ARID3A: variants seen among roughly 807,000 people sequenced by gnomAD.
The protein encoded by ARID3A is AT-rich interaction domain 3A.
Under a neutral mutation model 52.7 loss-of-function variants are expected in ARID3A, and 11 were observed. That is an observed-to-expected ratio of 0.21 (90% CI 0.13 to 0.35). ARID3A has a LOEUF of 0.35. Ranked by LOEUF, ARID3A falls within the 10% of genes least tolerant of loss-of-function variation. The probability of loss-of-function intolerance (pLI) is 1.00; values close to 1 mark genes in which losing one functional copy is unlikely to be tolerated. For synonymous variants in ARID3A, 404 were observed against 359.4 expected (o/e 1.12, Z -1.40); for missense variants, 721 against 838.5 (o/e 0.86, Z 1.73).
chr19:949,407 G>GC (rs928738876), intron 3 of ARID3A, among the ~76,000 whole-genome samples: 1 of 152,150 alleles, frequency 6.6e-6, no homozygotes, highest in African/African-American at 2.4e-5. Context: ...GGGGTGGGGG[G>GC]CTGGGGGTGC....
At chr19:955,428 G>A (rs934072769) in intron 3 of ARID3A, among the ~76,000 whole-genome samples, 4 of 152,174 alleles carry the variant, frequency 2.6e-5, no homozygotes, top group Admixed American at 1.3e-4. Context: ...TCAGTGCCCC[G>A]GCCCCACAGG....
At chr19:965,122 C>T (rs2038121802) in intron 6 of ARID3A, 42 bp downstream of exon 6, 2 of 1,546,856 alleles carry the variant, frequency 1.3e-6, no homozygotes, top group South Asian at 2.4e-5. Flanking sequence ...CCCAACTGAG[C>T]TTCAGCCTGG....
chr19:958,853 C>A (rs111287086), intron 3 of ARID3A, among the ~76,000 whole-genome samples: 40,842 of 151,734 alleles, frequency 0.27, 5,967 homozygotes, highest in East Asian at 0.49. Context: ...AGATTGCACC[C>A]CTGCACTCCA....
intron 3 of ARID3A, among the ~76,000 whole-genome samples, chr19:936,542 C>G (rs1400861655): frequency 2.6e-5 from 4 of 151,632 alleles, no homozygotes; most frequent in African/African-American, 4.8e-5. Flanking sequence ...GACCCTGTCT[C>G]GAAAAAATAA....
At chr19:956,588 GAAGGGGA>G (rs1460264951) in intron 3 of ARID3A, 2 of 152,344 alleles carry the variant, frequency 1.3e-5, no homozygotes, top group Middle Eastern at 3.1e-3. Flanking sequence ...TCAGGCAGCT[GAAGGGGA>G]AAGGGCCTCC....
chr19:932,739 G>A lies in ARID3A; in HGVS notation c.690G>A (p.Lys230=). Residue 230 remains lysine, a synonymous_variant, in exon 3 of 9, where the codon AAG becomes AAA. Transcript: ENST00000263620. ...HGDWTYEEQF[K]QLYELDGDPK... is the part of the protein sequence containing the mutation. Reference sequence around the variant, plus strand: ...ACTGGACTTACGAGGAGCAGTTTAAGCAGGTGAGTGGGCGCGTCCCGCGTG... The same window carrying A: ...ACTGGACTTACGAGGAGCAGTTTAAACAGGTGAGTGGGCGCGTCCCGCGTG... 2 of 1,547,124 alleles carry A rather than the reference G, an allele frequency of 1.3e-6. No individual in the cohort carries two copies. Among genetic ancestry groups the A allele is most frequent in the Non-Finnish European group, 1.7e-6 (2 of 1,146,394 alleles).
Position 974,899 on chromosome 19 carries a change from C to A in ARID3A, c.*2834C>A. ...GGGGGGTGGGCGCGAGGCTGGGTCC[C>A]GGCCCAGGAGAAGGAAGTCGCTGAA... On this transcript the variant is annotated 3_prime_UTR_variant, in exon 9 of 9. Transcript: ENST00000263620. 4.4e-6 allele frequency: 1 copy of A among 226,300 alleles called. No homozygotes were observed. Among genetic ancestry groups the A allele is most frequent in the Non-Finnish European group, 8.8e-6 (1 of 113,572 alleles). 14.0% of individuals were successfully genotyped at this position (226,300 alleles called of 1,614,324 possible).
intron 2 of ARID3A, among the ~76,000 whole-genome samples, chr19:931,039 A>G (rs2037316379): frequency 6.7e-6 from 1 of 149,692 alleles, no homozygotes; most frequent in South Asian, 2.3e-4. Flanking sequence ...CACGCCTGTA[A>G]TCCCAGCACT....
rs972846169 is a variant in ARID3A, at chr19:960,321, G to C, written c.766+157G>C. 6.6e-6 allele frequency among the ~76,000 whole-genome samples: 1 copy of C among 152,096 alleles called. No individual in the cohort carries two copies. Among genetic ancestry groups the C allele is most frequent in the Non-Finnish European group, 1.5e-5 (1 of 67,998 alleles). Reference sequence around the variant, plus strand: ...CGGGAGGGACTTCAGGGGTGTCTTGGGGGGAAACACATCCTGCCATGGAGG... The same window carrying C: ...CGGGAGGGACTTCAGGGGTGTCTTGCGGGGAAACACATCCTGCCATGGAGG... On this transcript the variant is annotated intron_variant, in intron 4 of 8. Transcript: ENST00000263620. The surrounding 1 kb of genome is among the most constrained non-coding windows in gnomAD (Gnocchi z 4.3).
chr19:940,961 C>T (rs575507964), intron 3 of ARID3A, among the ~76,000 whole-genome samples: 2 of 152,216 alleles, frequency 1.3e-5, no homozygotes, highest in East Asian at 1.9e-4. Flanking sequence ...TGCCCCGGCC[C>T]GTGCCCGTGC....
At position 972,350 on chromosome 19, in the gene ARID3A, A is replaced by C. The variant is rs2038297327; in HGVS notation, c.*285A>C. On this transcript the variant is annotated 3_prime_UTR_variant, in exon 9 of 9. Coordinates refer to ENST00000263620, the MANE Select transcript of ARID3A (RefSeq NM_005224.3). ...CAGAGAGATGAATTGTGAGAACAGC[A>C]AAGAAATCCATCAGAAAAACAGAAA... is the stretch of plus-strand genomic sequence containing the variant. 3 of 215,824 alleles carry C rather than the reference A, an allele frequency of 1.4e-5. No individual in the cohort carries two copies. The highest frequency in any genetic ancestry group is 1.2e-4 in the Admixed American group (2 of 17,154). 13.4% of individuals were successfully genotyped at this position (215,824 alleles called of 1,614,324 possible).
chr19:936,055 G>A (rs1022186309), intron 3 of ARID3A, among the ~76,000 whole-genome samples: 6 of 152,354 alleles, frequency 3.9e-5, no homozygotes, highest in South Asian at 2.1e-4. Flanking sequence ...CTCCCAAAGC[G>A]CTGGGATTAA....
intron 4 of ARID3A, among the ~76,000 whole-genome samples, chr19:961,008 C>T (rs1400155017): frequency 1.3e-5 from 2 of 152,150 alleles, no homozygotes; most frequent in Non-Finnish European, 2.9e-5. Flanking sequence ...GCTTCCGTCT[C>T]GCCTCCAAGT....
chr19:955,604 G>T (rs2037900550), intron 3 of ARID3A, among the ~76,000 whole-genome samples: 1 of 152,212 alleles, frequency 6.6e-6, no homozygotes, highest in Non-Finnish European at 1.5e-5. Context: ...GGGGCGCCAG[G>T]TGCTTGGGGT....
At chr19:968,347 A>T (rs1246156939) in intron 7 of ARID3A, 58 bp from the exon 8 acceptor site, 25 of 1,489,904 alleles carry the variant, frequency 1.7e-5, no homozygotes, top group Non-Finnish European at 2.2e-5. Context: ...CAACAGAGCA[A>T]GACTCTGTCT....
chr19:948,582 G>C (rs1418172143), intron 3 of ARID3A, among the ~76,000 whole-genome samples: 1 of 151,846 alleles, frequency 6.6e-6, no homozygotes, highest in Non-Finnish European at 1.5e-5. Context: ...CCCTCCTCCC[G>C]CCTGCAGCCC....
chr19:967,354 G>A (rs1480313021), intron 7 of ARID3A, among the ~76,000 whole-genome samples: 1 of 152,172 alleles, frequency 6.6e-6, no homozygotes, highest in Non-Finnish European at 1.5e-5. Flanking sequence ...GATTGCTTGA[G>A]CCCAGGAATT....
intron 3 of ARID3A, among the ~76,000 whole-genome samples, chr19:939,732 G>A (rs770414437): frequency 6.6e-6 from 1 of 152,046 alleles, no homozygotes; most frequent in African/African-American, 2.4e-5. Flanking sequence ...CGTTCCCCTC[G>A]TGGCGCTGGA....
At position 932,469 on chromosome 19, in the gene ARID3A, G is replaced by A. The variant is rs753395743; in HGVS notation, c.420G>A (p.Glu140=). ...EEMEEDLGED[E]EEEEEDYEDE... The stretch of plus-strand genomic sequence containing the variant: ...TGGAGGAAGACCTCGGGGAGGATGA[G>A]GAGGAGGAGGAGGAGGATTACGAGG... Residue 140 remains glutamate, a synonymous_variant, in exon 3 of 9, where the codon GAG becomes GAA. Coordinates refer to ENST00000263620, the MANE Select transcript of ARID3A (RefSeq NM_005224.3). 52 of 1,178,020 alleles carry A rather than the reference G, an allele frequency of 4.4e-5. No homozygotes were observed. Among genetic ancestry groups the A allele is most frequent in the Non-Finnish European group, 5.7e-5 (50 of 884,760 alleles). 73.0% of individuals were successfully genotyped at this position (1,178,020 alleles called of 1,614,324 possible). A position where few individuals can be genotyped will look rare whatever the true frequency, so the allele number is the denominator to read the frequency against.
Sources: allele counts gnomAD v4.1 joint callset (sites outside exome capture counted in the v4.1 genomes callset), GRCh38; gene constraint gnomAD v4.1.1; non-coding constraint Gnocchi (gnomAD v3.1); transcripts MANE v1.5; gene names NCBI Gene and HGNC (gene_info 2026-07-23, HGNC 2026-07-21).